Variants in WASHC2C observed in about 807,000 individuals in gnomAD.
The protein encoded by WASHC2C is Vaccinia Penetration Factor.
In WASHC2C, 73 loss-of-function variants were observed where a neutral mutation model predicts 142.2. The observed-to-expected ratio is 0.51, with a 90% CI of 0.43 to 0.62. The LOEUF is 0.62. Ranked by LOEUF, WASHC2C falls within the 20% of genes least tolerant of loss-of-function variation. The pLI is 0.00. For missense variants in WASHC2C, 969 were observed against 1,531.7 expected (o/e 0.63, Z 6.13); for synonymous variants, 337 against 565.5 (o/e 0.60, Z 5.73).
chr10:45,787,450 C>T (rs2058125251), intron 28 of WASHC2C, among the ~76,000 whole-genome samples: 1 of 148,020 alleles, frequency 6.8e-6, no homozygotes, highest in African/African-American at 2.5e-5. Context: ...GCATTTGGTA[C>T]ATTTGCATTC....
upstream of WASHC2C, chr10:45,727,249 G>T: frequency 5.2e-6 from 8 of 1,532,668 alleles, no homozygotes; most frequent in Non-Finnish European, 7.0e-6. Context: ...GCTGGGGCTA[G>T]GCTTCCGGGG....
At chr10:45,728,534 C>T (rs1367093076) in intron 2 of WASHC2C, among the ~76,000 whole-genome samples, 7 of 151,658 alleles carry the variant, frequency 4.6e-5, no homozygotes, top group Non-Finnish European at 1.0e-4. Context: ...GTCAGGAGTT[C>T]GAGACCAGCC....
At chr10:45,788,057 T>C (rs2058174342) in intron 28 of WASHC2C, among the ~76,000 whole-genome samples, 1 of 152,228 alleles carries the variant, frequency 6.6e-6, no homozygotes, top group African/African-American at 2.4e-5. Flanking sequence ...TTTGCAAACC[T>C]GTTTCCTTGT....
rs782142778 is a variant in WASHC2C at position 45,738,016 on chromosome 10, C to T, written c.325C>T (p.Leu109Phe). ...TGATGAAGAAGTGGAGGAGCCAGTA[C>T]TCAAGGCTGAGGCAGAAAAAACAGA... is the stretch of plus-strand genomic sequence containing the variant. ...VYDEEVEEPVLKAEAEKTEQE... is the reference protein window; with the variant it reads ...VYDEEVEEPVFKAEAEKTEQE... Residue 109 changes from leucine to phenylalanine, a missense_variant, in exon 4 of 31, where the codon CTC (leucine) becomes TTC (phenylalanine). Leu to Phe is a conservative substitution (Grantham distance 22). Coordinates refer to ENST00000623400, the MANE Select transcript of WASHC2C (RefSeq NM_001330074.2). The T allele has an allele frequency of 6.2e-7, 1 of 1,611,804 alleles. No individual in the cohort carries two copies. The highest frequency in any genetic ancestry group is 8.5e-7 in the Non-Finnish European group (1 of 1,179,844).
At chr10:45,737,658 A>G (rs2051429828) in intron 3 of WASHC2C, among the ~76,000 whole-genome samples, 1 of 152,146 alleles carries the variant, frequency 6.6e-6, no homozygotes, top group African/African-American at 2.4e-5. Context: ...GCCCATCAAC[A>G]TTATTAGGTT....
At chr10:45,752,458 C>A in intron 11 of WASHC2C, 130 bp from the exon 12 acceptor site, 1 of 762,624 alleles carries the variant, frequency 1.3e-6, no homozygotes. Flanking sequence ...ATCAGACTGC[C>A]TCACACTTTG....
chr10:45,754,132 A>G (rs1474053292), intron 13 of WASHC2C, among the ~76,000 whole-genome samples: 1 of 152,026 alleles, frequency 6.6e-6, no homozygotes, highest in African/African-American at 2.4e-5. Context: ...TTCTCATCCA[A>G]CTGGAATGGG....
chr10:45,773,638 C>A (rs1476310340), intron 21 of WASHC2C, among the ~76,000 whole-genome samples: 1 of 152,252 alleles, frequency 6.6e-6, no homozygotes, highest in Non-Finnish European at 1.5e-5. Context: ...TTAGACTAGG[C>A]CAGTTAAGGC....
chr10:45,782,419 G>A (rs1453934107), intron 23 of WASHC2C, among the ~76,000 whole-genome samples: 8 of 148,950 alleles, frequency 5.4e-5, no homozygotes, highest in East Asian at 2.0e-4. Context: ...CTTCATACCC[G>A]GGAAGAGGAC....
intron 27 of WASHC2C, 131 bp from the exon 28 acceptor site, chr10:45,786,904 G>A: frequency 6.2e-7 from 1 of 1,603,642 alleles, no homozygotes. Context: ...ACTAGATTGG[G>A]CGATTTTCCT....
chr10:45,791,164 C>CA (rs2058372306), intron 30 of WASHC2C, among the ~76,000 whole-genome samples: 1 of 152,170 alleles, frequency 6.6e-6, no homozygotes, highest in African/African-American at 2.4e-5. Context: ...CTCCCCCCGT[C>CA]AATCTAGACC....
upstream of WASHC2C, chr10:45,727,180 T>G (rs2049940853): frequency 6.9e-7 from 1 of 1,455,664 alleles, no homozygotes; most frequent in African/African-American, 1.5e-5. Flanking sequence ...TCGGATCACG[T>G]GCGGGTTCTG....
intron 3 of WASHC2C, among the ~76,000 whole-genome samples, chr10:45,736,127 G>A (rs1355070235): frequency 4.7e-5 from 7 of 149,412 alleles, no homozygotes; most frequent in African/African-American, 1.7e-4. Context: ...AAAAATGCAG[G>A]CCGGGCATGG....
chr10:45,729,620 T>C (rs2050302045), intron 3 of WASHC2C, among the ~76,000 whole-genome samples: 1 of 151,584 alleles, frequency 6.6e-6, no homozygotes, highest in Non-Finnish European at 1.5e-5. Flanking sequence ...GCAAATAGTA[T>C]AATTCCAGCA....
chr10:45,785,859 C>T (rs1274240014), intron 26 of WASHC2C: 2 of 850,704 alleles, frequency 2.4e-6, no homozygotes, highest in African/African-American at 3.5e-5. Flanking sequence ...TTTTTGATGC[C>T]ATGCCAGATT....
At chr10:45,738,382 C>G (rs2051548795) in intron 4 of WASHC2C, among the ~76,000 whole-genome samples, 1 of 150,160 alleles carries the variant, frequency 6.7e-6, no homozygotes, top group Admixed American at 6.6e-5. Context: ...AGCCTTCTTC[C>G]TGAGATCTTC....
At chr10:45,752,432 G>T (rs1160336121) in intron 11 of WASHC2C, among the ~76,000 whole-genome samples, 156 bp from the exon 12 acceptor site, 5 of 152,254 alleles carry the variant, frequency 3.3e-5, no homozygotes, top group African/African-American at 9.6e-5. Flanking sequence ...TGTGCCAGGG[G>T]TTTAGTGTGA....
At chr10:45,745,531 C>T (rs1554870700) in intron 7 of WASHC2C, among the ~76,000 whole-genome samples, 1 of 151,500 alleles carries the variant, frequency 6.6e-6, no homozygotes, top group Non-Finnish European at 1.5e-5. Context: ...CTTTTCTCTT[C>T]TGGTTGGTCC....
At chr10:45,773,028 G>A (rs2056739062) in intron 20 of WASHC2C, among the ~76,000 whole-genome samples, 2 of 147,084 alleles carry the variant, frequency 1.4e-5, no homozygotes, top group Non-Finnish European at 3.0e-5. Context: ...CAGGAAAGGG[G>A]CAACCTGAGG....
Sources: allele counts gnomAD v4.1 joint callset (sites outside exome capture counted in the v4.1 genomes callset), GRCh38; gene constraint gnomAD v4.1.1; transcripts MANE v1.5; gene names NCBI Gene and HGNC (gene_info 2026-07-23, HGNC 2026-07-21).